RGPD1: variants seen among roughly 807,000 people sequenced by gnomAD.
The protein encoded by RGPD1 is RANBP2-like and GRIP domain-containing protein 1.
A neutral mutation model predicts 40.6 loss-of-function variants in RGPD1; 7 were observed. The ratio of observed to expected loss-of-function variants is 0.17; its 90% CI spans 0.10 to 0.32. The LOEUF (loss-of-function observed/expected upper bound fraction) is 0.32. Among genes scored for constraint, RGPD1 ranks in the 10% least tolerant of loss-of-function variants. The probability of loss-of-function intolerance (pLI) is 1.00; values close to 1 mark genes in which losing one functional copy is unlikely to be tolerated. For synonymous variants in RGPD1, 24 were observed against 167.0 expected, an observed-to-expected ratio of 0.14 and a Z score of 6.60; for missense variants, 50 against 472.5, an observed-to-expected ratio of 0.11 and a Z score of 8.29.
intron 1 of RGPD1, among the ~76,000 whole-genome samples, chr2:86,923,033 CTTT>C (rs1196456916): frequency 8.8e-4 from 48 of 54,480 alleles, no homozygotes; most frequent in South Asian, 2.9e-3. Flanking sequence ...TGGTATATTC[CTTT>C]TTTTTTTTTT....
upstream of RGPD1, among the ~76,000 whole-genome samples, chr2:86,937,906 T>TAG (rs1679456614): frequency 1.2e-5 from 1 of 84,224 alleles, no homozygotes; most frequent in African/African-American, 9.6e-5. Context: ...ATCTCTTGGG[T>TAG]AGAGATACCT....
intron 1 of RGPD1, 56 bp downstream of exon 1, chr2:86,942,364 C>T: frequency 7.4e-7 from 1 of 1,358,090 alleles, no homozygotes; most frequent in Non-Finnish European, 9.6e-7. Context: ...GCGGCCTCGA[C>T]CTGGCCGGGC....
chr2:86,941,245 A>C (rs1679722939), upstream of RGPD1, among the ~76,000 whole-genome samples: 1 of 150,284 alleles, frequency 6.7e-6, no homozygotes, highest in African/African-American at 2.4e-5. Context: ...GTAAGATTTT[A>C]ATATCCAAAT....
chr2:86,941,886 A>AT (rs1417619813), upstream of RGPD1, among the ~76,000 whole-genome samples: 1 of 151,312 alleles, frequency 6.6e-6, no homozygotes, highest in Non-Finnish European at 1.5e-5. Flanking sequence ...AATTTTTTGT[A>AT]TTTTTAGTAG....
intron 1 of RGPD1, among the ~76,000 whole-genome samples, chr2:86,945,706 C>T (rs532269352): frequency 1.2e-3 from 183 of 151,274 alleles, no homozygotes; most frequent in African/African-American, 4.3e-3. Context: ...GGTGAAAATC[C>T]GTCTCTATTA....
At chr2:87,000,610 CT>C (rs1681952707) in intron 22 of RGPD1, among the ~76,000 whole-genome samples, 4 of 76,136 alleles carry the variant, frequency 5.3e-5, no homozygotes, top group African/African-American at 2.2e-4. Context: ...CAATTAAAAA[CT>C]GATGGTTTAG....
intron 1 of RGPD1, among the ~76,000 whole-genome samples, chr2:86,944,655 T>C (rs1573613706): frequency 6.7e-6 from 1 of 150,258 alleles, no homozygotes; most frequent in Admixed American, 6.6e-5. Flanking sequence ...TCAAGTGATT[T>C]CCCCGCCTCC....
At chr2:86,929,727 C>T (rs1462737589) in intron 1 of RGPD1, among the ~76,000 whole-genome samples, 4 of 114,314 alleles carry the variant, frequency 3.5e-5, no homozygotes, top group Non-Finnish European at 5.4e-5. Context: ...AGCTGGTTCA[C>T]GTCTCTTTAA....
intron 1 of RGPD1, among the ~76,000 whole-genome samples, chr2:86,925,130 A>C (rs1678384510): frequency 6.6e-6 from 1 of 152,176 alleles, no homozygotes. Flanking sequence ...GATTTTAAAA[A>C]ATTTGTAAGC....
chr2:86,942,789 G>A lies in RGPD1; in HGVS notation c.72+481G>A, dbSNP rs545778202. Among the ~76,000 whole-genome samples the A allele has an allele frequency of 1.1e-3, 161 of 151,826 alleles. 1 individual carries two copies. The highest frequency in any genetic ancestry group is 3.6e-3 in the African/African-American group (148 of 41,526). On this transcript the variant is annotated intron_variant, in intron 1 of 22. Coordinates refer to ENST00000641458, the MANE Select transcript of RGPD1 (RefSeq NM_001382344.1). ...GGCGCGCTCTGTTGAGGCGCCGGCC[G>A]GCTGGCGCAGTCCTGTGGGCGGCGT...
At chr2:86,913,677 C>T, upstream of RGPD1, 1 of 1,314,842 alleles carries the variant, frequency 7.6e-7, no homozygotes, top group Non-Finnish European at 1.0e-6. Context: ...CCGAGTGCAG[C>T]TGGAGCGCCG....
intron 1 of RGPD1, among the ~76,000 whole-genome samples, chr2:86,942,518 G>GGCGGCGGCCTCGACCTGGCCGGGCGGCA (rs1679916337): frequency 7.4e-6 from 1 of 135,000 alleles, no homozygotes; most frequent in African/African-American, 2.6e-5. Flanking sequence ...GCCGGGCGGC[G>GGCGGCGGCCTCGACCTGGCCGGGCGGCA]GCGGCGGCCT....
intron 1 of RGPD1, among the ~76,000 whole-genome samples, chr2:86,923,114 C>T (rs543628070): frequency 2.9e-5 from 4 of 136,048 alleles, no homozygotes; most frequent in Admixed American, 8.0e-5. Flanking sequence ...TCTGAGCTCA[C>T]TGCAATCTCC....
intron 1 of RGPD1, among the ~76,000 whole-genome samples, chr2:86,945,664 T>C (rs1216648926): frequency 6.6e-6 from 1 of 152,096 alleles, no homozygotes; most frequent in African/African-American, 2.4e-5. Context: ...TCCAAGCACT[T>C]TGGGAGGCAG....
At chr2:86,945,485 T>A (rs1204435994) in intron 1 of RGPD1, among the ~76,000 whole-genome samples, 1 of 152,216 alleles carries the variant, frequency 6.6e-6, no homozygotes, top group African/African-American at 2.4e-5. Flanking sequence ...ATCTGTGAAC[T>A]GCCCATGCTT....
At chr2:86,964,245 G>C (rs1199923592) in intron 7 of RGPD1, among the ~76,000 whole-genome samples, 1 of 104,104 alleles carries the variant, frequency 9.6e-6, no homozygotes, top group East Asian at 2.8e-4. Flanking sequence ...GGGTTTCACT[G>C]TGTTAGCCAG....
Position 87,007,618 on chromosome 2 carries a change from A to G in RGPD1, c.5237-4895A>G, listed in dbSNP as rs1573655839. ...GGTCTCAAACTTCTGGCCTCAGGTG[A>G]TCCAGCCGTCTCAGATCAAAGTGCT... On this transcript the variant is annotated intron_variant, in intron 22 of 22. Coordinates refer to ENST00000641458, the MANE Select transcript of RGPD1 (RefSeq NM_001382344.1). 2.6e-5 allele frequency among the ~76,000 whole-genome samples: 4 copies of G among 152,288 alleles called. No homozygotes were observed. The East Asian group carries it at 7.7e-4, about 29-fold the overall frequency.
At chr2:86,924,513 C>T (rs562731993) in intron 1 of RGPD1, among the ~76,000 whole-genome samples, 8 of 150,540 alleles carry the variant, frequency 5.3e-5, no homozygotes, top group South Asian at 4.2e-4. Context: ...TTGCCTACGC[C>T]GGACTGCAGT....
intron 6 of RGPD1, among the ~76,000 whole-genome samples, chr2:86,960,714 C>G (rs1247079146): frequency 1.0e-5 from 1 of 96,608 alleles, no homozygotes; most frequent in Admixed American, 8.7e-5. Context: ...CTCAGCCTCC[C>G]GAGTAGCTGG....
Sources: allele counts gnomAD v4.1 joint callset (sites outside exome capture counted in the v4.1 genomes callset), GRCh38; gene constraint gnomAD v4.1.1; transcripts MANE v1.5; gene names NCBI Gene and HGNC (gene_info 2026-07-23, HGNC 2026-07-21).